The following CRACDL variants were observed in gnomAD, a reference collection of about 807,000 sequenced individuals.
CRACDL encodes CRACD-like protein.
Under a neutral mutation model 70.6 loss-of-function variants are expected in CRACDL, and 26 were observed. The ratio of observed to expected loss-of-function variants is 0.37; its 90% CI spans 0.27 to 0.51. CRACDL has a LOEUF of 0.51. Ranked by LOEUF, CRACDL falls within the 20% of genes least tolerant of loss-of-function variation. The pLI is 0.94. For synonymous variants in CRACDL, 618 were observed against 615.2 expected, an observed-to-expected ratio of 1.00 and a Z score of -0.07; for missense variants, 1,283 against 1,376.9, an observed-to-expected ratio of 0.93 and a Z score of 1.08.
At chr2:98,883,590 G>T (rs945795049) in intron 1 of CRACDL, among the ~76,000 whole-genome samples, 1 of 152,166 alleles carries the variant, frequency 6.6e-6, no homozygotes, top group African/African-American at 2.4e-5. Context: ...TGCTCCCACT[G>T]GTTCCCTGGC....
intron 1 of CRACDL, among the ~76,000 whole-genome samples, chr2:98,875,224 TG>T (rs1291535549): frequency 2.6e-5 from 4 of 152,294 alleles, no homozygotes; most frequent in African/African-American, 9.6e-5. Context: ...GAAGAGAGTG[TG>T]GTCGGGCCCT....
intron 7 of CRACDL, among the ~76,000 whole-genome samples, chr2:98,817,662 G>T (rs552314129): frequency 1.4e-4 from 22 of 152,170 alleles, no homozygotes; most frequent in South Asian, 1.2e-3. Context: ...CCATCTTTTG[G>T]GGCCAAGAAA....
At chr2:98,819,447 T>C (rs1704930581) in intron 7 of CRACDL, among the ~76,000 whole-genome samples, 1 of 152,206 alleles carries the variant, frequency 6.6e-6, no homozygotes, top group Non-Finnish European at 1.5e-5. Context: ...ATAACCTCAA[T>C]GGAAATCTGC....
At position 98,837,661 on chromosome 2, in the gene CRACDL, T is replaced by A. The variant is rs530927776; in HGVS notation, c.239+458A>T. ...TTCTTTATGATATTTTTGGATGATT[T>A]TTTTTCTAAGATAGCAAGGAGCGCC... On this transcript the variant is annotated intron_variant, in intron 3 of 9. Coordinates refer to ENST00000397899, the MANE Select transcript of CRACDL (RefSeq NM_207362.3). Among the ~76,000 whole-genome samples, 5 of 152,280 alleles carry A rather than the reference T, an allele frequency of 3.3e-5. No individual in the cohort carries two copies. In the East Asian group the frequency reaches 9.7e-4, roughly 29 times the overall value.
chr2:98,822,368 G>A lies in CRACDL; in HGVS notation c.1905C>T (p.Arg635=), dbSNP rs1302618977. 2 of 1,471,152 alleles carry A rather than the reference G, an allele frequency of 1.4e-6. No homozygotes were observed. The highest frequency in any genetic ancestry group is 5.7e-5 in the East Asian group (2 of 34,896). 91.1% of individuals were successfully genotyped at this position (1,471,152 alleles called of 1,614,324 possible). A position where few individuals can be genotyped will look rare whatever the true frequency, so the allele number is the denominator to read the frequency against. The change falls in exon 7 of 10, where the codon CGC becomes CGT. Residue 635 remains arginine (R), a synonymous_variant. Transcript: ENST00000397899. The surrounding 1 kb of genome is among the most constrained non-coding windows in gnomAD (Gnocchi z 4.9). ...AKPGPRKLAE[R]GPQDSGDRAA... is the part of the protein sequence containing the mutation. ...CCCTGTCCCCCGAGTCCTGAGGGCC[G>A]CGCTCCGCCAGCTTCCGAGGGCCAG...
intron 1 of CRACDL, among the ~76,000 whole-genome samples, chr2:98,896,552 A>G (rs1708130235): frequency 6.6e-6 from 1 of 152,198 alleles, no homozygotes; most frequent in African/African-American, 2.4e-5. Flanking sequence ...AGAGGAAACC[A>G]GACTGTGACC....
intron 4 of CRACDL, 38 bp from the exon 5 acceptor site, chr2:98,832,550 C>T (rs755841051): frequency 3.9e-5 from 58 of 1,505,708 alleles, no homozygotes; most frequent in Admixed American, 1.4e-4. Context: ...TTATTTTCAT[C>T]AATGATATTT....
At chr2:98,833,417 TGCAGCAGGCTGAGG>T (rs1705633818) in intron 3 of CRACDL, among the ~76,000 whole-genome samples, 3 of 152,314 alleles carry the variant, frequency 2.0e-5, no homozygotes, top group African/African-American at 7.2e-5. Context: ...AGGCTGTGTG[TGCAGCAGGCTGAGG>T]GCCTGCTTGA....
intron 7 of CRACDL, among the ~76,000 whole-genome samples, chr2:98,817,431 AC>A (rs1362937930): frequency 2.6e-5 from 4 of 151,970 alleles, no homozygotes; most frequent in African/African-American, 9.7e-5. Context: ...TGCCAATAAA[AC>A]CCCCCACAGC....
At chr2:98,853,498 G>A (rs911234887) in intron 1 of CRACDL, among the ~76,000 whole-genome samples, 1 of 152,088 alleles carries the variant, frequency 6.6e-6, no homozygotes, top group African/African-American at 2.4e-5. Flanking sequence ...GATATGTACT[G>A]CAGATATGTA....
At chr2:98,857,775 G>T (rs1706765458) in intron 1 of CRACDL, among the ~76,000 whole-genome samples, 1 of 152,130 alleles carries the variant, frequency 6.6e-6, no homozygotes. Flanking sequence ...AAAATCAACA[G>T]TGATATAAGA....
intron 1 of CRACDL, among the ~76,000 whole-genome samples, chr2:98,864,383 T>C (rs560694330): frequency 1.4e-4 from 21 of 152,084 alleles, no homozygotes; most frequent in African/African-American, 5.1e-4. Context: ...ACAGAGTAGA[T>C]TAGTGGTTGC....
chr2:98,877,083 C>T (rs1166022288), intron 1 of CRACDL, among the ~76,000 whole-genome samples: 1 of 152,262 alleles, frequency 6.6e-6, no homozygotes, highest in Non-Finnish European at 1.5e-5. Flanking sequence ...AGGTTGCTCA[C>T]AGCACAGTGT....
chr2:98,895,619 C>T (rs763978284), intron 1 of CRACDL, among the ~76,000 whole-genome samples: 2 of 152,080 alleles, frequency 1.3e-5, no homozygotes, highest in Non-Finnish European at 2.9e-5. Flanking sequence ...CTAGATGATT[C>T]CAGAACATTA....
chr2:98,798,072 G>A (rs540016995), intron 7 of CRACDL, among the ~76,000 whole-genome samples: 4 of 152,280 alleles, frequency 2.6e-5, no homozygotes, highest in South Asian at 2.1e-4. Flanking sequence ...GGCCGGGTGC[G>A]GTGGCGCATG....
intron 6 of CRACDL, among the ~76,000 whole-genome samples, chr2:98,826,357 CCATT>C (rs1424061761): frequency 6.6e-6 from 1 of 152,204 alleles, no homozygotes; most frequent in East Asian, 1.9e-4. Context: ...AGTGGTTCAT[CCATT>C]CAACAACTCT....
chr2:98,824,658 C>T (rs1433273559), intron 6 of CRACDL, among the ~76,000 whole-genome samples: 1 of 152,204 alleles, frequency 6.6e-6, no homozygotes, highest in Non-Finnish European at 1.5e-5. Flanking sequence ...CTCTCTCCTT[C>T]CCCTTTTCTA....
Position 98,904,924 on chromosome 2 carries a change from T to C in CRACDL, c.-11+31014A>G, listed in dbSNP as rs185482231. 3.3e-5 allele frequency among the ~76,000 whole-genome samples: 5 copies of C among 152,224 alleles called. No individual in the cohort carries two copies. The East Asian group carries it at 9.7e-4, about 30-fold the overall frequency. On this transcript the variant is annotated intron_variant, in intron 1 of 9. Transcript: ENST00000397899. ...GAATGCTTTGGTGTCTTCCCCATTG[T>C]AATGAGTTCATCCTAGATCTGGCTG...
chr2:98,925,941 G>A (rs1396365526), intron 1 of CRACDL, among the ~76,000 whole-genome samples: 1 of 152,080 alleles, frequency 6.6e-6, no homozygotes, highest in Non-Finnish European at 1.5e-5. Flanking sequence ...GGGTGGGCAG[G>A]AGGGAGAGGT....
Sources: allele counts gnomAD v4.1 joint callset (sites outside exome capture counted in the v4.1 genomes callset), GRCh38; gene constraint gnomAD v4.1.1; non-coding constraint Gnocchi (gnomAD v3.1); transcripts MANE v1.5; gene names NCBI Gene and HGNC (gene_info 2026-07-23, HGNC 2026-07-21).